Variants in CDH2 observed in about 807,000 individuals in gnomAD.
CDH2 encodes cadherin-2.
Under a neutral mutation model 92.0 loss-of-function variants are expected in CDH2, and 17 were observed. That is an observed-to-expected ratio of 0.18 (90% CI 0.13 to 0.28). The LOEUF is 0.28. CDH2 is among the 10% of genes least tolerant of loss of function. The probability of loss-of-function intolerance (pLI) is 1.00; values close to 1 mark genes in which losing one functional copy is unlikely to be tolerated. For synonymous variants in CDH2, 419 were observed against 415.9 expected (o/e 1.01, Z -0.09); for missense variants, 862 against 1,133.1 (o/e 0.76, Z 3.44).
chr18:28,134,091 T>C lies in CDH2; in HGVS notation c.172+13582A>G, dbSNP rs2015820790. On this transcript the variant is annotated intron_variant, in intron 2 of 15. Coordinates refer to ENST00000269141, the MANE Select transcript of CDH2 (RefSeq NM_001792.5). The stretch of plus-strand genomic sequence containing the variant: ...TAAAAGAATTCCTTCAGCTTGAGGC[T>C]GCCATGAACAATAATGGTGTTACTA... 2.2e-5 allele frequency among the ~76,000 whole-genome samples: 3 copies of C among 139,356 alleles called. No individual in the cohort carries two copies. In the South Asian group the frequency reaches 7.1e-4, roughly 33 times the overall value. The allele number at this position is 139,356 out of a possible 152,430, so 91.4% of individuals were successfully genotyped here.
At chr18:28,160,850 A>G (rs1437270966) in intron 1 of CDH2, among the ~76,000 whole-genome samples, 3 of 152,154 alleles carry the variant, frequency 2.0e-5, no homozygotes, top group Non-Finnish European at 2.9e-5. Context: ...AGCACTTCCT[A>G]TTTACCATTT....
chr18:28,027,663 G>A (rs760752076), intron 2 of CDH2, among the ~76,000 whole-genome samples: 3 of 152,096 alleles, frequency 2.0e-5, no homozygotes, highest in Non-Finnish European at 2.9e-5. Flanking sequence ...AAAGCAGCAA[G>A]ATTATTGTGT....
intron 2 of CDH2, among the ~76,000 whole-genome samples, chr18:28,140,223 G>A (rs2015930325): frequency 6.6e-6 from 1 of 151,688 alleles, no homozygotes; most frequent in Non-Finnish European, 1.5e-5. Flanking sequence ...AAAATATAGG[G>A]GTAAATCTTC....
At chr18:28,042,594 G>T (rs187484355) in intron 2 of CDH2, among the ~76,000 whole-genome samples, 1 of 152,156 alleles carries the variant, frequency 6.6e-6, no homozygotes, top group East Asian at 1.9e-4. Context: ...TATGTTCCAG[G>T]CACTGTTAGG....
chr18:27,962,775 A>G (rs2011441840), intron 15 of CDH2, among the ~76,000 whole-genome samples: 1 of 152,242 alleles, frequency 6.6e-6, no homozygotes, highest in South Asian at 2.1e-4. Context: ...AATAATTTTG[A>G]CAGTGAAAAT....
intron 2 of CDH2, among the ~76,000 whole-genome samples, chr18:28,044,236 G>C (rs1341612019): frequency 1.3e-5 from 2 of 152,072 alleles, no homozygotes; most frequent in African/African-American, 4.8e-5. Context: ...TTTGAACAGA[G>C]GTAAATAAAG....
chr18:28,008,100 T>C (rs562919232), intron 5 of CDH2, among the ~76,000 whole-genome samples: 1 of 152,272 alleles, frequency 6.6e-6, no homozygotes, highest in African/African-American at 2.4e-5. Flanking sequence ...TTGACCTGAA[T>C]ATACTCATTT....
intron 14 of CDH2, among the ~76,000 whole-genome samples, chr18:27,965,515 A>G (rs2011511884): frequency 6.6e-6 from 1 of 152,368 alleles, no homozygotes; most frequent in Middle Eastern, 3.4e-3. Context: ...CAAAGGCATC[A>G]GAATGCTGCT....
At chr18:28,069,184 T>C (rs2041669015) in intron 2 of CDH2, among the ~76,000 whole-genome samples, 1 of 152,192 alleles carries the variant, frequency 6.6e-6, no homozygotes, top group Admixed American at 6.5e-5. Context: ...TTTACACCTA[T>C]CTTTATATGA....
At chr18:28,152,907 G>A (rs2016147487) in intron 1 of CDH2, among the ~76,000 whole-genome samples, 1 of 152,150 alleles carries the variant, frequency 6.6e-6, no homozygotes, top group Admixed American at 6.5e-5. Flanking sequence ...AAGATCGATA[G>A]GGCCTTCTGA....
chr18:28,051,319 C>T (rs541535931), intron 2 of CDH2, among the ~76,000 whole-genome samples: 1 of 152,064 alleles, frequency 6.6e-6, no homozygotes. Context: ...TGTAATACCA[C>T]AAAATAGATA....
In CDH2 at chr18:27,945,616, C is replaced by A. The variant is rs1429330754; in HGVS notation, c.1152-12492G>T. On this transcript the variant is annotated intron_variant, in intron 6 of 6. Transcript: ENST00000675173. The stretch of plus-strand genomic sequence containing the variant: ...CGGTAAACATGAGAGGGAAAAGGAG[C>A]CTGGTTGTTGAATGTCTCTTCTTTT... Among the ~76,000 whole-genome samples, 4 of 151,914 alleles carry A rather than the reference C, an allele frequency of 2.6e-5. No individual in the cohort carries two copies. In the South Asian group the frequency reaches 8.3e-4, roughly 32 times the overall value.
chr18:28,132,022 T>C (rs1165791779), intron 2 of CDH2, among the ~76,000 whole-genome samples: 3 of 152,136 alleles, frequency 2.0e-5, no homozygotes, highest in African/African-American at 4.8e-5. Context: ...CTTACAAAGG[T>C]GACCTCCTCT....
At chr18:28,107,112 A>G (rs944590127) in intron 2 of CDH2, among the ~76,000 whole-genome samples, 5 of 152,102 alleles carry the variant, frequency 3.3e-5, no homozygotes, top group African/African-American at 1.2e-4. Flanking sequence ...CTGCAGCAAT[A>G]TTTCTGGAAA....
At chr18:28,011,550 AATGGT>A (rs1454525440) in intron 4 of CDH2, among the ~76,000 whole-genome samples, 1 of 152,144 alleles carries the variant, frequency 6.6e-6, no homozygotes, top group East Asian at 1.9e-4. Context: ...TGAGAGTGGA[AATGGT>A]ATGGTTGGGA....
intron 15 of CDH2, among the ~76,000 whole-genome samples, chr18:27,956,493 G>C (rs547437033): frequency 5.3e-5 from 8 of 152,278 alleles, no homozygotes; most frequent in South Asian, 2.1e-4. Flanking sequence ...AAAGAAAAGA[G>C]GTCTTACTGT....
chr18:28,165,560 TAAC>T (rs1405039008), intron 1 of CDH2, among the ~76,000 whole-genome samples: 1 of 152,152 alleles, frequency 6.6e-6, no homozygotes, highest in Non-Finnish European at 1.5e-5. Context: ...TTATTCTTCA[TAAC>T]AACCTTATGA....
chr18:28,000,029 C>T (rs2012716740), intron 7 of CDH2, among the ~76,000 whole-genome samples: 1 of 152,104 alleles, frequency 6.6e-6, no homozygotes, highest in South Asian at 2.1e-4. Context: ...GAGGCCTCCC[C>T]AGCCATGCGG....
intron 2 of CDH2, among the ~76,000 whole-genome samples, chr18:28,147,426 G>A (rs187505891): frequency 1.5e-3 from 235 of 151,928 alleles, no homozygotes; most frequent in African/African-American, 5.4e-3. Context: ...GTTACATAAC[G>A]GTTTCTCTGT....
Sources: gnomAD v4.1 joint callset for allele counts (sites outside exome capture counted in the v4.1 genomes callset) on GRCh38, gnomAD v4.1.1 for gene constraint, MANE v1.5 for transcripts, NCBI Gene and HGNC (gene_info 2026-07-23, HGNC 2026-07-21) for gene names.